FRMD3: variants seen among roughly 807,000 people sequenced by gnomAD.
FRMD3 encodes FERM domain-containing protein 3.
In FRMD3, 33 loss-of-function variants were observed where a neutral mutation model predicts 70.2. That is an observed-to-expected ratio of 0.47 (90% CI 0.36 to 0.63). The LOEUF is 0.63. FRMD3 is among the 20% of genes least tolerant of loss of function. FRMD3 has a pLI of 0.00. For synonymous variants in FRMD3, 279 were observed against 255.9 expected (o/e 1.09, Z -0.86); for missense variants, 632 against 711.4 (o/e 0.89, Z 1.27).
chr9:83,267,054 G>A (rs766494344), intron 13 of FRMD3: 62 of 1,550,896 alleles, frequency 4.0e-5, no homozygotes, highest in South Asian at 1.9e-4. Context: ...CTCAGCAGAC[G>A]AACAAACACA....
intron 3 of FRMD3, among the ~76,000 whole-genome samples, chr9:83,366,474 G>C (rs145101510): frequency 6.6e-6 from 1 of 152,292 alleles, no homozygotes; most frequent in African/African-American, 2.4e-5. Context: ...TCAGGAAGCT[G>C]AGGCAGGAGA....
chr9:83,559,603 G>A, the FRMD3 span, among the ~76,000 whole-genome samples: 1 of 152,146 alleles, frequency 6.6e-6, no homozygotes, highest in East Asian at 1.9e-4. Flanking sequence ...TAGGTGAAGG[G>A]TGCCCTAATA....
chr9:83,450,957 C>T (rs1163125864), intron 1 of FRMD3, among the ~76,000 whole-genome samples: 1 of 152,096 alleles, frequency 6.6e-6, no homozygotes, highest in Non-Finnish European at 1.5e-5. Flanking sequence ...TAATAAGTCC[C>T]CAAATGTGAA....
chr9:83,462,182 C>T (rs1827995613), intron 1 of FRMD3, among the ~76,000 whole-genome samples: 2 of 152,196 alleles, frequency 1.3e-5, no homozygotes, highest in Admixed American at 1.3e-4. Flanking sequence ...AGCAGATAAA[C>T]TCAGGTGTGC....
chr9:83,538,898 A>G (rs777477937), upstream of FRMD3, among the ~76,000 whole-genome samples: 1 of 152,128 alleles, frequency 6.6e-6, no homozygotes, highest in Non-Finnish European at 1.5e-5. The surrounding 1 kb of genome is among the most constrained non-coding windows in gnomAD (Gnocchi z 4.7). Context: ...AGTGACAGAG[A>G]GAGTGACAGC....
intron 1 of FRMD3, among the ~76,000 whole-genome samples, chr9:83,470,140 A>G (rs1239550185): frequency 2.0e-5 from 3 of 152,168 alleles, no homozygotes; most frequent in Non-Finnish European, 4.4e-5. Context: ...AGGTTCTACC[A>G]CTCAGGGAAC....
At chr9:83,316,045 A>G (rs72743057) in intron 6 of FRMD3, among the ~76,000 whole-genome samples, 3,123 of 151,944 alleles carry the variant, frequency 0.021, 57 homozygotes, top group Non-Finnish European at 0.03. Context: ...TGATCCAAAG[A>G]TGATATTTTC....
chr9:83,392,081 A>G (rs1825680927), intron 1 of FRMD3, among the ~76,000 whole-genome samples: 1 of 152,078 alleles, frequency 6.6e-6, no homozygotes, highest in Non-Finnish European at 1.5e-5. Flanking sequence ...CCACAAAGAA[A>G]AAAAAAAAAG....
intron 1 of FRMD3, among the ~76,000 whole-genome samples, chr9:83,496,856 G>A (rs1338807587): frequency 4.0e-5 from 6 of 150,814 alleles, no homozygotes; most frequent in Admixed American, 1.3e-4. Flanking sequence ...GCTCACACCT[G>A]TAATTCTAGC....
intron 1 of FRMD3, among the ~76,000 whole-genome samples, chr9:83,454,906 T>A (rs1273258928): frequency 6.6e-6 from 1 of 152,188 alleles, no homozygotes; most frequent in African/African-American, 2.4e-5. Flanking sequence ...TGTTTCTGCA[T>A]CTTTTTATCA....
chr9:83,266,874 T>G, intron 13 of FRMD3: 1 of 882,776 alleles, frequency 1.1e-6, no homozygotes, highest in Non-Finnish European at 1.7e-6. Flanking sequence ...CTTTTCTCCC[T>G]TCCTCTCTCT....
intron 1 of FRMD3, among the ~76,000 whole-genome samples, chr9:83,423,118 G>A (rs904382233): frequency 6.6e-6 from 1 of 152,244 alleles, no homozygotes; most frequent in Non-Finnish European, 1.5e-5. Context: ...ATACATTATA[G>A]ATGGAGCAAG....
intron 1 of FRMD3, among the ~76,000 whole-genome samples, chr9:83,518,973 C>T (rs984297515): frequency 1.8e-4 from 27 of 152,156 alleles, no homozygotes; most frequent in Non-Finnish European, 3.2e-4. Context: ...CTTCCTTACA[C>T]CTTATACAAA....
At chr9:83,388,327 G>A (rs1483504679) in intron 2 of FRMD3, among the ~76,000 whole-genome samples, 1 of 152,148 alleles carries the variant, frequency 6.6e-6, no homozygotes, top group African/African-American at 2.4e-5. Context: ...GAGGAGACAG[G>A]AAGATCAGGG....
chr9:83,243,907 G>A (rs2118428459), downstream of FRMD3, among the ~76,000 whole-genome samples: 1 of 152,256 alleles, frequency 6.6e-6, no homozygotes, highest in Middle Eastern at 3.4e-3. Context: ...GGGCAGAGGG[G>A]AGGATAGAAG....
Position 83,334,349 on chromosome 9 carries a change from C to CT in FRMD3, c.596+1166dup, listed in dbSNP as rs1257661059. On this transcript the variant is annotated intron_variant, in intron 6 of 13. Coordinates refer to ENST00000304195, the MANE Select transcript of FRMD3 (RefSeq NM_174938.6). Reference sequence around the variant, plus strand: ...TGTCTAATCATCTTTATCTCTAAGACTAAGCGTCATATTTTCCCAGCTGAA... The same window carrying CT: ...TGTCTAATCATCTTTATCTCTAAGACTTAAGCGTCATATTTTCCCAGCTGAA... 6.6e-5 allele frequency among the ~76,000 whole-genome samples: 10 copies of CT among 152,308 alleles called. No homozygotes were observed. The East Asian group carries it at 1.9e-3, about 29-fold the overall frequency.
At chr9:83,401,501 A>G (rs1564059340) in intron 1 of FRMD3, among the ~76,000 whole-genome samples, 2 of 152,238 alleles carry the variant, frequency 1.3e-5, no homozygotes, top group South Asian at 2.1e-4. Context: ...GAGCCAAGAT[A>G]TATCAGTCAG....
chr9:83,446,440 A>T (rs111696976), intron 1 of FRMD3, among the ~76,000 whole-genome samples: 1 of 151,560 alleles, frequency 6.6e-6, no homozygotes, highest in Admixed American at 6.6e-5. Flanking sequence ...AAGGTCAGGA[A>T]ATCAAGACCA....
intron 1 of FRMD3, among the ~76,000 whole-genome samples, chr9:83,408,478 C>G (rs1054697234): frequency 1.3e-5 from 2 of 152,188 alleles, no homozygotes; most frequent in African/African-American, 4.8e-5. Context: ...ATGCCTCCCT[C>G]CCATTTCTTG....
Sources: gnomAD v4.1 joint callset for allele counts (sites outside exome capture counted in the v4.1 genomes callset) on GRCh38, gnomAD v4.1.1 for gene constraint, Gnocchi (gnomAD v3.1) non-coding constraint, MANE v1.5 for transcripts, NCBI Gene and HGNC (gene_info 2026-07-23, HGNC 2026-07-21) for gene names.